The following GAPVD1 variants were observed in gnomAD, a reference collection of about 807,000 sequenced individuals.
GAPVD1 encodes the protein GTPase-activating protein and VPS9 domain-containing protein 1.
In GAPVD1, 35 loss-of-function variants were observed where a neutral mutation model predicts 155.5. The ratio of observed to expected loss-of-function variants is 0.23; its 90% CI spans 0.17 to 0.30. The LOEUF (loss-of-function observed/expected upper bound fraction) is 0.30, where lower values mean the gene tolerates loss of function less well. Among genes scored for constraint, GAPVD1 ranks in the 10% least tolerant of loss-of-function variants. The pLI, the probability that GAPVD1 is intolerant of heterozygous loss-of-function variation, is 1.00. For missense variants in GAPVD1, 1,429 were observed against 1,775.7 expected (o/e 0.80, Z 3.51); for synonymous variants, 636 against 619.7 (o/e 1.03, Z -0.39).
At chr9:125,349,579 AC>A in intron 21 of GAPVD1, 60 bp downstream of exon 21, 1 of 1,452,162 alleles carries the variant, frequency 6.9e-7, no homozygotes, top group South Asian at 1.2e-5. Flanking sequence ...CATTGCAGTC[AC>A]GTCAAGTCAA....
chr9:125,363,754 T>C lies in GAPVD1; in HGVS notation c.*1008T>C, dbSNP rs973869410. 6.5e-6 allele frequency: 1 copy of C among 152,676 alleles called. No individual in the cohort carries two copies. Among genetic ancestry groups the C allele is most frequent in the Non-Finnish European group, 1.5e-5 (1 of 68,042 alleles). The allele number at this position is 152,676 out of a possible 1,614,324, so 9.5% of individuals were successfully genotyped here. A position where few individuals can be genotyped will look rare whatever the true frequency, so the allele number is the denominator to read the frequency against. On this transcript the variant is annotated 3_prime_UTR_variant, in exon 28 of 28. Transcript: ENST00000297933. ...CAGTGAATGTCATTTTTTAAAAAAC[T>C]AATTTGTATTGTCTGCTCTAGTGAT...
At chr9:125,344,363 G>A (rs1848237881) in intron 19 of GAPVD1, among the ~76,000 whole-genome samples, 1 of 152,090 alleles carries the variant, frequency 6.6e-6, no homozygotes, top group South Asian at 2.1e-4. Flanking sequence ...TTTAGACATA[G>A]TTGGGTTTTA....
chr9:125,343,442 T>G (rs2132160609), intron 19 of GAPVD1, among the ~76,000 whole-genome samples: 1 of 152,306 alleles, frequency 6.6e-6, no homozygotes, highest in African/African-American at 2.4e-5. Context: ...GATAAGAACA[T>G]CCTCATCAAA....
chr9:125,294,547 C>A, intron 2 of GAPVD1, among the ~76,000 whole-genome samples: 1 of 147,284 alleles, frequency 6.8e-6, no homozygotes. Context: ...GGGGTTTCAC[C>A]ATGTTGGTCA....
chr9:125,362,844 A>G lies in GAPVD1; in HGVS notation c.*98A>G, dbSNP rs1851131093. 2.8e-6 allele frequency: 3 copies of G among 1,056,658 alleles called. No individual in the cohort carries two copies. The highest frequency in any genetic ancestry group is 4.2e-6 in the Non-Finnish European group (3 of 716,834). 65.5% of individuals were successfully genotyped at this position (1,056,658 alleles called of 1,614,324 possible). ...CTTTGAAGGCTGAAGATTGTTTTGT[A>G]TGATACTGCACAGCATCAGGCATTT... On this transcript the variant is annotated 3_prime_UTR_variant, in exon 28 of 28. Transcript: ENST00000297933.
At position 125,363,020 on chromosome 9, in the gene GAPVD1, A is replaced by G. The variant is rs1032500374; in HGVS notation, c.*274A>G. 5.2e-6 allele frequency: 1 copy of G among 192,356 alleles called. No individual in the cohort carries two copies. The highest frequency in any genetic ancestry group is 2.3e-5 in the African/African-American group (1 of 42,990). The allele number at this position is 192,356 out of a possible 1,614,324, so 11.9% of individuals were successfully genotyped here. On this transcript the variant is annotated 3_prime_UTR_variant, in exon 28 of 28. Transcript: ENST00000297933. ...GGGACCACATTTTTCAAGTATTTCT[A>G]AGTATAAAAAACAAAACAAAAATCT...
intron 6 of GAPVD1, among the ~76,000 whole-genome samples, chr9:125,306,491 C>T (rs1841834718): frequency 6.6e-6 from 1 of 152,130 alleles, no homozygotes; most frequent in Non-Finnish European, 1.5e-5. Flanking sequence ...ATGTTTGTCT[C>T]CAACATCTTA....
chr9:125,354,647 C>T lies in GAPVD1; in HGVS notation c.3570-7C>T. 1 of 1,595,196 alleles carries T rather than the reference C, an allele frequency of 6.3e-7. No homozygotes were observed. The highest frequency in any genetic ancestry group is 1.7e-5 in the Admixed American group (1 of 59,240). On this transcript the variant is annotated splice_region_variant and splice_polypyrimidine_tract_variant and intron_variant, in intron 23 of 27. Transcript: ENST00000297933. ...TCTGATGTCATGCAAAGTATTTTTC[C>T]TTTTAGAAAAAGAGCCCCATATATT...
chr9:125,362,786 G>A lies in GAPVD1; in HGVS notation c.*40G>A. 1 of 1,592,152 alleles carries A rather than the reference G, an allele frequency of 6.3e-7. No individual in the cohort carries two copies. Among genetic ancestry groups the A allele is most frequent in the Non-Finnish European group, 8.6e-7 (1 of 1,165,828 alleles). On this transcript the variant is annotated 3_prime_UTR_variant, in exon 28 of 28. Coordinates refer to ENST00000297933, the MANE Select transcript of GAPVD1 (RefSeq NM_001282680.3). ...CACCAAGGCAGCAGACTGTTAATCA[G>A]ACAAACAGATCTCTGAGAAGGTGCA...
chr9:125,277,484 T>C (rs1294023462), intron 2 of GAPVD1, among the ~76,000 whole-genome samples: 1 of 152,146 alleles, frequency 6.6e-6, no homozygotes, highest in Non-Finnish European at 1.5e-5. Flanking sequence ...TGAAAACTAG[T>C]AGAAATTGTC....
At chr9:125,357,506 G>C (rs943159106) in intron 25 of GAPVD1, among the ~76,000 whole-genome samples, 3 of 152,148 alleles carry the variant, frequency 2.0e-5, no homozygotes, top group Non-Finnish European at 4.4e-5. Context: ...TTGAACACAA[G>C]AGGCAGAGGT....
At chr9:125,317,883 A>G (rs1025935400) in intron 9 of GAPVD1, among the ~76,000 whole-genome samples, 2 of 152,232 alleles carry the variant, frequency 1.3e-5, no homozygotes, top group Non-Finnish European at 2.9e-5. Flanking sequence ...GGAATGAAAA[A>G]TACACTAGAG....
In GAPVD1 at chr9:125,366,711, T is replaced by C. The variant is rs1015656060; in HGVS notation, c.*3965T>C. The stretch of plus-strand genomic sequence containing the variant: ...TAAATGCCAAAATGCTTGAGAACTT[T>C]GCCAGGTTAAAAATTACTTAATATA... On this transcript the variant is annotated 3_prime_UTR_variant, in exon 28 of 28. Transcript: ENST00000297933. 1 of 152,222 alleles carries C rather than the reference T, an allele frequency of 6.6e-6. No individual in the cohort carries two copies. The highest frequency in any genetic ancestry group is 2.4e-5 in the African/African-American group (1 of 41,450). The allele number at this position is 152,222 out of a possible 1,614,324, so 9.4% of individuals were successfully genotyped here.
intron 25 of GAPVD1, among the ~76,000 whole-genome samples, chr9:125,356,997 A>G (rs1181986211): frequency 6.6e-6 from 1 of 152,046 alleles, no homozygotes; most frequent in Non-Finnish European, 1.5e-5. Context: ...TGTAGAGACG[A>G]GGTCTTGCTG....
intron 2 of GAPVD1, among the ~76,000 whole-genome samples, chr9:125,290,949 A>G (rs1172288738): frequency 6.7e-6 from 1 of 148,548 alleles, no homozygotes; most frequent in African/African-American, 2.5e-5. Flanking sequence ...CCGTGATCAC[A>G]TTACTACACT....
At chr9:125,337,699 T>G (rs1589033569) in intron 17 of GAPVD1, 108 bp downstream of exon 17, 2 of 1,090,036 alleles carry the variant, frequency 1.8e-6, no homozygotes, top group East Asian at 4.8e-5. Flanking sequence ...TAGAGAGTAG[T>G]CATGATTAAA....
At chr9:125,344,206 A>G (rs10986715) in intron 19 of GAPVD1, among the ~76,000 whole-genome samples, 1,972 of 152,278 alleles carry the variant, frequency 0.013, 104 homozygotes, top group East Asian at 0.088. Flanking sequence ...TCTGTTCATA[A>G]TTCTGTGACC....
chr9:125,330,309 C>G (rs1248628275), intron 13 of GAPVD1, 91 bp downstream of exon 13: 8 of 763,442 alleles, frequency 1.0e-5, no homozygotes, highest in Non-Finnish European at 1.4e-5. Flanking sequence ...TATATTTTGT[C>G]AAATACACTT....
rs766799197 is a variant in GAPVD1, at chr9:125,355,816, C to T, written c.3930C>T (p.Leu1310=). ...GCGTGATGAACCGGATTTTCAAGCT[C>T]GCCTTCTACCCTAATCAAGATGGGG... ...ERSVMNRIFK[L]AFYPNQDGDI... is the part of the protein sequence containing the mutation. The change falls in exon 25 of 28, where the codon CTC becomes CTT. Residue 1310 remains leucine, a synonymous_variant. Transcript: ENST00000297933. The T allele has an allele frequency of 1.1e-5, 18 of 1,611,674 alleles. No homozygotes were observed. Among genetic ancestry groups the T allele is most frequent in the African/African-American group, 2.7e-5 (2 of 74,846 alleles).
Sources: allele counts gnomAD v4.1 joint callset (sites outside exome capture counted in the v4.1 genomes callset), GRCh38; gene constraint gnomAD v4.1.1; transcripts MANE v1.5; gene names NCBI Gene and HGNC (gene_info 2026-07-23, HGNC 2026-07-21).